The following CFAP54 variants were observed in gnomAD, a reference collection of about 807,000 sequenced individuals.
CFAP54 encodes cilia- and flagella-associated protein 54.
CFAP54 carries 290 observed loss-of-function variants against 370.4 expected under a neutral mutation model. That is an observed-to-expected ratio of 0.78 (90% confidence interval 0.71 to 0.86). CFAP54 has a LOEUF of 0.86. Among genes scored for constraint, CFAP54 ranks in the 40% least tolerant of loss-of-function variants. The pLI is 0.00. For missense variants in CFAP54, 3,399 were observed against 3,528.7 expected (o/e 0.96, Z 0.93); for synonymous variants, 1,206 against 1,236.5 (o/e 0.98, Z 0.52).
Position 96,574,457 on chromosome 12 carries a change from C to G in CFAP54, c.2620-2128C>G, listed in dbSNP as rs181236592. On this transcript the variant is annotated intron_variant, in intron 19 of 67. Coordinates refer to ENST00000524981, the MANE Select transcript of CFAP54 (RefSeq NM_001306084.2). ...TTGATAATTCTATTAGTGCTTCACT[C>G]TTAGCACTAAGAGTCCTATTTTGTG... Among the ~76,000 whole-genome samples the G allele has an allele frequency of 2.6e-5, 4 of 152,142 alleles. No homozygotes were observed. The East Asian group carries it at 5.8e-4, about 22-fold the overall frequency.
chr12:96,839,770 A>G (rs1272275635), intron 66 of CFAP54, among the ~76,000 whole-genome samples: 1 of 152,174 alleles, frequency 6.6e-6, no homozygotes, highest in African/African-American at 2.4e-5. Context: ...CTGAAGGCTC[A>G]TTTAGTCTGG....
chr12:96,603,940 T>G (rs1350840136), intron 26 of CFAP54, among the ~76,000 whole-genome samples: 2 of 151,620 alleles, frequency 1.3e-5, no homozygotes, highest in Non-Finnish European at 3.0e-5. Context: ...ATTACTGACC[T>G]TCTGAAGCCT....
intron 32 of CFAP54, among the ~76,000 whole-genome samples, chr12:96,630,951 C>T (rs1350829106): frequency 6.6e-6 from 1 of 151,896 alleles, no homozygotes; most frequent in Non-Finnish European, 1.5e-5. Flanking sequence ...GGTAAATTAT[C>T]AGTGAACCTA....
intron 1 of CFAP54, among the ~76,000 whole-genome samples, chr12:96,492,330 C>G (rs1366802861): frequency 2.0e-5 from 3 of 152,188 alleles, no homozygotes; most frequent in Non-Finnish European, 4.4e-5. Flanking sequence ...CTCAGCTCAT[C>G]CCTCACTTCT....
chr12:96,651,653 T>G lies in CFAP54; in HGVS notation c.4938T>G (p.Phe1646Leu). The change falls in exon 36 of 68, where the codon TTT (phenylalanine) becomes TTG (leucine). Residue 1646 changes from phenylalanine to leucine, a missense_variant. Around this residue, in one of 3 missense-constraint regions of CFAP54, gnomAD observed 2,796 missense variants for 2,869.7 expected, o/e 0.97. Transcript: ENST00000524981. Reference protein sequence around the residue: ...LQNCCRALWNFTQELQILLKQ... With the variant: ...LQNCCRALWNLTQELQILLKQ... Reference sequence around the variant, plus strand: ...ACTGCTGTCGGGCCTTATGGAACTTTACTCAGGAACTACAAATACTTCTTA... The same window carrying G: ...ACTGCTGTCGGGCCTTATGGAACTTGACTCAGGAACTACAAATACTTCTTA... 1 of 1,614,196 alleles carries G rather than the reference T, an allele frequency of 6.2e-7. No individual in the cohort carries two copies. The highest frequency in any genetic ancestry group is 8.5e-7 in the Non-Finnish European group (1 of 1,180,034).
intron 30 of CFAP54, among the ~76,000 whole-genome samples, chr12:96,627,441 C>T (rs1346171803): frequency 6.6e-6 from 1 of 152,208 alleles, no homozygotes; most frequent in Non-Finnish European, 1.5e-5. Flanking sequence ...GATAGTGCTT[C>T]ACACCAATTA....
intron 51 of CFAP54, among the ~76,000 whole-genome samples, chr12:96,741,080 A>G (rs569539215): frequency 6.6e-6 from 1 of 152,324 alleles, no homozygotes; most frequent in East Asian, 1.9e-4. Context: ...CTGTATTGCT[A>G]ATCTACATAC....
chr12:96,621,656 G>A lies in CFAP54; in HGVS notation c.3706G>A (p.Asp1236Asn). The change falls in exon 27 of 68, where the codon GAC becomes AAC. Residue 1236 changes from aspartate (D) to asparagine (N), a missense_variant. Asp to Asn is a conservative substitution (Grantham distance 23). Transcript: ENST00000524981. ...TATAAATTATGGGAAAAAAATGTTG[G>A]ACATCACACCAGGATGCAAGTCTCT... ...MIINYGKKMLDITPGCKSLFD... is the reference protein window; with the variant it reads ...MIINYGKKMLNITPGCKSLFD... 2 of 1,527,748 alleles carry A rather than the reference G, an allele frequency of 1.3e-6. No individual in the cohort carries two copies. The highest frequency in any genetic ancestry group is 4.9e-5 in the East Asian group (2 of 40,704). The allele number at this position is 1,527,748 out of a possible 1,614,324, so 94.6% of individuals were successfully genotyped here.
At chr12:96,773,655 A>G (rs1430927611) in intron 60 of CFAP54, among the ~76,000 whole-genome samples, 1 of 152,232 alleles carries the variant, frequency 6.6e-6, no homozygotes, top group Non-Finnish European at 1.5e-5. Flanking sequence ...TTAAATTAAT[A>G]TAAATGTATC....
chr12:96,750,239 G>T (rs1243709920), intron 55 of CFAP54, among the ~76,000 whole-genome samples: 7 of 152,136 alleles, frequency 4.6e-5, no homozygotes, highest in Non-Finnish European at 1.0e-4. Flanking sequence ...TCCTGTACCA[G>T]CTCTGTCTGT....
At chr12:96,492,430 C>G (rs73235035) in intron 1 of CFAP54, among the ~76,000 whole-genome samples, 94 of 152,300 alleles carry the variant, frequency 6.2e-4, no homozygotes, top group Admixed American at 1.2e-3. Flanking sequence ...TGTTCTTCCC[C>G]AAGCTTTTCA....
chr12:96,567,337 C>T (rs1027580142), intron 19 of CFAP54, among the ~76,000 whole-genome samples: 17 of 152,136 alleles, frequency 1.1e-4, no homozygotes, highest in African/African-American at 3.9e-4. Context: ...AAGTATTTTT[C>T]GCCAAGCTAA....
intron 60 of CFAP54, among the ~76,000 whole-genome samples, chr12:96,780,731 C>T (rs781671112): frequency 5.3e-5 from 8 of 152,118 alleles, no homozygotes; most frequent in Non-Finnish European, 1.2e-4. Flanking sequence ...TAAATCATCA[C>T]AGATAACGAG....
In CFAP54 at chr12:96,540,962, A is replaced by G. The variant is rs770315441; in HGVS notation, c.2052A>G (p.Pro684=). The change falls in exon 14 of 68, where the codon CCA becomes CCG. Residue 684 remains proline (P), a synonymous_variant. Coordinates refer to ENST00000524981, the MANE Select transcript of CFAP54 (RefSeq NM_001306084.2). Reference sequence around the variant, plus strand: ...AAATATTGGAATCTTTAGGAAGCCCAGGAAGAAAATTTAAACAATCTCTAG... The same window carrying G: ...AAATATTGGAATCTTTAGGAAGCCCGGGAAGAAAATTTAAACAATCTCTAG... ...LSEILESLGS[P]GRKFKQSLDV... is the part of the protein sequence containing the mutation. 1 of 1,508,660 alleles carries G rather than the reference A, an allele frequency of 6.6e-7. No homozygotes were observed. Among genetic ancestry groups the G allele is most frequent in the South Asian group, 1.3e-5 (1 of 76,942 alleles). The allele number at this position is 1,508,660 out of a possible 1,614,324, so 93.5% of individuals were successfully genotyped here.
At chr12:96,607,385 C>A (rs1956312609) in intron 26 of CFAP54, among the ~76,000 whole-genome samples, 1 of 151,096 alleles carries the variant, frequency 6.6e-6, no homozygotes, top group South Asian at 2.1e-4. Flanking sequence ...ATCATGTGAT[C>A]TAAAAGAAAA....
chr12:96,665,702 G>A (rs1475004593), intron 39 of CFAP54, among the ~76,000 whole-genome samples: 1 of 152,158 alleles, frequency 6.6e-6, no homozygotes, highest in Non-Finnish European at 1.5e-5. Flanking sequence ...CCAGCACCAT[G>A]CTGTTTTGGT....
At chr12:96,632,196 A>C (rs1437676436) in intron 32 of CFAP54, among the ~76,000 whole-genome samples, 1 of 151,834 alleles carries the variant, frequency 6.6e-6, no homozygotes, top group Non-Finnish European at 1.5e-5. Context: ...TTTCTTATTT[A>C]ATTTTATAAG....
chr12:96,613,224 A>G (rs1256019578), intron 26 of CFAP54, among the ~76,000 whole-genome samples: 1 of 152,172 alleles, frequency 6.6e-6, no homozygotes, highest in East Asian at 1.9e-4. Context: ...CTCACTCAAA[A>G]CTGCTTAACT....
intron 32 of CFAP54, among the ~76,000 whole-genome samples, chr12:96,632,950 T>C (rs1156609972): frequency 3.9e-5 from 6 of 152,160 alleles, no homozygotes; most frequent in African/African-American, 1.4e-4. Flanking sequence ...TTATATATCT[T>C]TTGTTAGATA....
Sources: allele counts gnomAD v4.1 joint callset (sites outside exome capture counted in the v4.1 genomes callset), GRCh38; gene constraint gnomAD v4.1.1; regional missense constraint gnomAD v4.1.1; transcripts MANE v1.5; gene names NCBI Gene and HGNC (gene_info 2026-07-23, HGNC 2026-07-21).